Variants in MUSK observed in about 807,000 individuals in gnomAD.
MUSK encodes muscle associated receptor tyrosine kinase.
MUSK carries 55 observed loss-of-function variants against 88.7 expected under a neutral mutation model. The observed-to-expected ratio is 0.62, with a 90% CI of 0.50 to 0.78. The LOEUF (loss-of-function observed/expected upper bound fraction) is 0.78, where lower values mean the gene tolerates loss of function less well. MUSK is among the 30% of genes least tolerant of loss of function. MUSK has a pLI of 0.00. For synonymous variants in MUSK, 387 were observed against 391.9 expected, an observed-to-expected ratio of 0.99 and a Z score of 0.15; for missense variants, 1,015 against 1,074.3, an observed-to-expected ratio of 0.94 and a Z score of 0.77.
intron 5 of MUSK, among the ~76,000 whole-genome samples, chr9:110,698,091 T>C (rs1465522233): frequency 6.6e-6 from 1 of 152,190 alleles, no homozygotes; most frequent in Non-Finnish European, 1.5e-5. Flanking sequence ...TCTATTTGCT[T>C]GTTAGTCGGG....
At chr9:110,755,135 A>G (rs1421316156) in intron 7 of MUSK, among the ~76,000 whole-genome samples, 2 of 152,180 alleles carry the variant, frequency 1.3e-5, no homozygotes, top group African/African-American at 4.8e-5. Flanking sequence ...CAAATGTTAG[A>G]GACATCTTGA....
In MUSK at chr9:110,695,096, T is replaced by G. The variant is rs531389408; in HGVS notation, c.359-307T>G. Among the ~76,000 whole-genome samples, 485 of 152,320 alleles carry G rather than the reference T, an allele frequency of 3.2e-3. 2 individuals carry two copies. The highest frequency in any genetic ancestry group is 5.7e-3 in the Non-Finnish European group (385 of 68,006). ...GAATTGCTATGGTGACAGTCTATGT[T>G]AATCAGCTTTTATTAACTATCTTTT... is the stretch of plus-strand genomic sequence containing the variant. On this transcript the variant is annotated intron_variant, in intron 3 of 14. Coordinates refer to ENST00000374448, the MANE Select transcript of MUSK (RefSeq NM_005592.4).
chr9:110,685,914 A>G (rs369686630), intron 2 of MUSK, among the ~76,000 whole-genome samples: 1 of 152,084 alleles, frequency 6.6e-6, no homozygotes, highest in African/African-American at 2.4e-5. Flanking sequence ...CCACATCCAC[A>G]TGTTTAGGTA....
In MUSK at chr9:110,715,387, A is replaced by G; in HGVS notation, c.628+17921A>G. Among the ~76,000 whole-genome samples, 2 of 149,510 alleles carry G rather than the reference A, an allele frequency of 1.3e-5. 1 individual carries two copies. The highest frequency in any genetic ancestry group is 2.9e-5 in the Non-Finnish European group (2 of 67,890). ...CAGAGAAGTTGAACAGCAACTCAGAAAAAACAGCTAGTGAGAGTGAAGTGA... is the reference window on the plus strand; with the variant it reads ...CAGAGAAGTTGAACAGCAACTCAGAGAAAACAGCTAGTGAGAGTGAAGTGA... On this transcript the variant is annotated intron_variant, in intron 5 of 14. Coordinates refer to ENST00000374448, the MANE Select transcript of MUSK (RefSeq NM_005592.4).
At chr9:110,726,042 A>G (rs1479814418) in intron 5 of MUSK, among the ~76,000 whole-genome samples, 1 of 152,000 alleles carries the variant, frequency 6.6e-6, no homozygotes, top group Non-Finnish European at 1.5e-5. Context: ...CTTTTCTTGC[A>G]TAATTTTCTC....
Position 110,803,462 on chromosome 9 carries a change from G to T in MUSK, c.*2474G>T, listed in dbSNP as rs1002360487. Reference sequence around the variant, plus strand: ...CACACAGCAACAGAGCCTACTTTTTGACCAAAAGAGGCCGAATTCTCAACC... The same window carrying T: ...CACACAGCAACAGAGCCTACTTTTTTACCAAAAGAGGCCGAATTCTCAACC... On this transcript the variant is annotated 3_prime_UTR_variant, in exon 15 of 15. Coordinates refer to ENST00000374448, the MANE Select transcript of MUSK (RefSeq NM_005592.4). Among the ~76,000 whole-genome samples the T allele has an allele frequency of 2.6e-5, 4 of 152,132 alleles. No homozygotes were observed. The highest frequency in any genetic ancestry group is 9.7e-5 in the African/African-American group (4 of 41,422).
intron 7 of MUSK, among the ~76,000 whole-genome samples, chr9:110,755,951 C>CGTATATATATATATATATATATATATAT (rs1269355799): frequency 2.0e-5 from 2 of 101,792 alleles, no homozygotes; most frequent in African/African-American, 8.5e-5. Context: ...TATATATATA[C>CGTATATATATATATATATATATATATAT]ACATATATAT....
chr9:110,689,131 CATAAATAAACTATATATTTATATAAAAT>C (rs1435067852), intron 3 of MUSK, among the ~76,000 whole-genome samples: 1 of 125,158 alleles, frequency 8.0e-6, no homozygotes, highest in Admixed American at 8.7e-5. Context: ...ATATAAACTA[CATAAATAAACTATATATTTATATAAAAT>C]ATAAATAAAC....
In MUSK at chr9:110,800,606, A is replaced by G; in HGVS notation, c.2228A>G (p.Asp743Gly). The change falls in exon 15 of 15, where the codon GAC (aspartate) becomes GGC (glycine). Residue 743 changes from aspartate to glycine, a missense_variant. Physicochemically the swap from Asp to Gly is moderately conservative, Grantham distance 94. Coordinates refer to ENST00000374448, the MANE Select transcript of MUSK (RefSeq NM_005592.4). ...VGENMVVKIADFGLSRNIYSA... is the reference protein window; with the variant it reads ...VGENMVVKIAGFGLSRNIYSA... ...GAGAACATGGTGGTGAAAATTGCCG[A>G]CTTTGGCCTCTCCAGGAACATCTAC... The G allele has an allele frequency of 6.2e-7, 1 of 1,613,682 alleles. No homozygotes were observed. The highest frequency in any genetic ancestry group is 8.5e-7 in the Non-Finnish European group (1 of 1,179,840).
chr9:110,786,301 ACT>A (rs2077863141), intron 13 of MUSK, among the ~76,000 whole-genome samples: 1 of 135,420 alleles, frequency 7.4e-6, no homozygotes, highest in Admixed American at 7.7e-5. Context: ...ACAGAGCAAG[ACT>A]CTGTCTCAAA....
chr9:110,787,729 G>A lies in MUSK; in HGVS notation c.1818G>A (p.Val606=), dbSNP rs2132034695. 3 of 1,613,906 alleles carry A rather than the reference G, an allele frequency of 1.9e-6. No homozygotes were observed. The highest frequency in any genetic ancestry group is 2.5e-6 in the Non-Finnish European group (3 of 1,179,854). Residue 606 remains valine, a synonymous_variant, in exon 14 of 15, where the codon GTG becomes GTA. Coordinates refer to ENST00000374448, the MANE Select transcript of MUSK (RefSeq NM_005592.4). The part of the protein sequence containing the change: ...GLLPYEPFTM[V]AVKMLKEEAS... ...TTCCCTATGAACCTTTCACTATGGT[G>A]GCAGTAAAGATGCTCAAAGAAGAAG...
intron 1 of MUSK, among the ~76,000 whole-genome samples, chr9:110,669,364 C>T (rs1209833492): frequency 1.3e-5 from 2 of 152,140 alleles, no homozygotes; most frequent in African/African-American, 2.4e-5. Context: ...ATAGAATCAA[C>T]CCCATTCTCA....
chr9:110,700,224 T>C (rs907427440), intron 5 of MUSK, among the ~76,000 whole-genome samples: 8 of 152,242 alleles, frequency 5.3e-5, no homozygotes, highest in South Asian at 2.1e-4. Flanking sequence ...AAATGTTTTA[T>C]GTGGATTATC....
At chr9:110,755,994 ATATG>A (rs2077319572) in intron 7 of MUSK, among the ~76,000 whole-genome samples, 1 of 143,622 alleles carries the variant, frequency 7.0e-6, no homozygotes, top group Admixed American at 7.2e-5. Flanking sequence ...ATATATATAT[ATATG>A]AATTTATTTA....
intron 5 of MUSK, among the ~76,000 whole-genome samples, chr9:110,707,011 TAG>T (rs1050781611): frequency 2.1e-5 from 3 of 142,658 alleles, no homozygotes; most frequent in South Asian, 2.2e-4. Context: ...CTCAAAAAAA[TAG>T]AGAGAGAGAG....
chr9:110,673,987 T>A (rs1037855518), intron 1 of MUSK, among the ~76,000 whole-genome samples: 1 of 152,200 alleles, frequency 6.6e-6, no homozygotes, highest in African/African-American at 2.4e-5. Context: ...TTCTATATTA[T>A]TAGTAATCTT....
intron 3 of MUSK, among the ~76,000 whole-genome samples, chr9:110,693,058 G>A (rs148943427): frequency 2.4e-3 from 370 of 152,226 alleles, no homozygotes; most frequent in South Asian, 6.8e-3. Context: ...CTATATGCAG[G>A]CTTCCCTTCA....
intron 1 of MUSK, among the ~76,000 whole-genome samples, chr9:110,680,515 C>G (rs1347269726): frequency 6.6e-6 from 1 of 151,674 alleles, no homozygotes; most frequent in Non-Finnish European, 1.5e-5. Flanking sequence ...TCCCACATAG[C>G]TGGGACTACA....
chr9:110,741,639 T>A (rs557558495), intron 6 of MUSK, among the ~76,000 whole-genome samples: 1 of 152,344 alleles, frequency 6.6e-6, no homozygotes, highest in African/African-American at 2.4e-5. Context: ...ACTTTCACTA[T>A]TGTTTTCGCT....
Sources: gnomAD v4.1 joint callset for allele counts (sites outside exome capture counted in the v4.1 genomes callset) on GRCh38, gnomAD v4.1.1 for gene constraint, MANE v1.5 for transcripts, NCBI Gene and HGNC (gene_info 2026-07-23, HGNC 2026-07-21) for gene names.